The following R3HDM1 variants were observed in gnomAD, a reference collection of about 807,000 sequenced individuals.
R3HDM1 encodes the protein R3H domain containing 1, also known as R3H domain-containing protein 1.
R3HDM1 carries 46 observed loss-of-function variants against 141.1 expected under a neutral mutation model. The ratio of observed to expected loss-of-function variants is 0.33; its 90% CI spans 0.26 to 0.42. The LOEUF (loss-of-function observed/expected upper bound fraction) is 0.42. Ranked by LOEUF, R3HDM1 falls within the 10% of genes least tolerant of loss-of-function variation. The pLI, the probability that R3HDM1 is intolerant of heterozygous loss-of-function variation, is 1.00. For synonymous variants in R3HDM1, 435 were observed against 472.9 expected (o/e 0.92, Z 1.04); for missense variants, 1,184 against 1,368.3 (o/e 0.87, Z 2.12).
chr2:135,565,336 T>C (rs1276063484), intron 1 of R3HDM1, among the ~76,000 whole-genome samples: 1 of 146,962 alleles, frequency 6.8e-6, no homozygotes, highest in African/African-American at 2.5e-5. Flanking sequence ...ATTATTATTA[T>C]TATTATTATT....
intron 18 of R3HDM1, among the ~76,000 whole-genome samples, chr2:135,660,549 A>G (rs1311642193): frequency 6.6e-6 from 1 of 152,040 alleles, no homozygotes; most frequent in Non-Finnish European, 1.5e-5. Context: ...GGACATTTGG[A>G]TTTTTAAAAT....
intron 21 of R3HDM1, among the ~76,000 whole-genome samples, chr2:135,688,067 A>T (rs1400797303): frequency 6.6e-6 from 1 of 152,222 alleles, no homozygotes; most frequent in African/African-American, 2.4e-5. Flanking sequence ...TCAGGCAAGC[A>T]CATTCCCATC....
chr2:135,565,966 G>C (rs936605174), intron 1 of R3HDM1: 2 of 152,200 alleles, frequency 1.3e-5, no homozygotes, highest in Admixed American at 6.5e-5. Context: ...GGTGTATCAA[G>C]TGAATGAGAA....
At chr2:135,574,490 G>T (rs1053813032) in intron 1 of R3HDM1, among the ~76,000 whole-genome samples, 1 of 152,194 alleles carries the variant, frequency 6.6e-6, no homozygotes, top group Admixed American at 6.5e-5. Flanking sequence ...CTGAATTTCT[G>T]TGAAACAAAT....
intron 18 of R3HDM1, among the ~76,000 whole-genome samples, chr2:135,653,444 ATTTC>A (rs1407928935): frequency 6.6e-6 from 1 of 151,262 alleles, no homozygotes; most frequent in East Asian, 1.9e-4. Context: ...AATGCTATAA[ATTTC>A]TTTTTTTCTT....
chr2:135,597,302 T>G (rs902089352), intron 1 of R3HDM1: 37 of 966,056 alleles, frequency 3.8e-5, no homozygotes, highest in Non-Finnish European at 4.6e-5. Context: ...GTAACTGATA[T>G]TCATTAAAGC....
intron 1 of R3HDM1, among the ~76,000 whole-genome samples, chr2:135,534,777 ATAT>A (rs904774452): frequency 6.6e-6 from 1 of 152,244 alleles, no homozygotes; most frequent in African/African-American, 2.4e-5. Flanking sequence ...GCTTTGTCAA[ATAT>A]TATGCAGAAG....
chr2:135,554,108 A>G (rs75285567), intron 1 of R3HDM1, among the ~76,000 whole-genome samples: 5,112 of 152,342 alleles, frequency 0.034, 114 homozygotes, highest in Middle Eastern at 0.12. Context: ...AACTATCACC[A>G]TATCTAATTA....
At position 135,622,153 on chromosome 2, in the gene R3HDM1, A is replaced by G. The variant is rs1038269961; in HGVS notation, c.419-501A>G. The G allele has an allele frequency of 1.2e-5, 12 of 984,610 alleles. No homozygotes were observed. The African/African-American group carries it at 2.1e-4, about 17-fold the overall frequency. The allele number at this position is 984,610 out of a possible 1,614,324, so 61.0% of individuals were successfully genotyped here. A position where few individuals can be genotyped will look rare whatever the true frequency, so the allele number is the denominator to read the frequency against. On this transcript the variant is annotated intron_variant, in intron 6 of 26. Coordinates refer to ENST00000683871, the MANE Select transcript of R3HDM1 (RefSeq NM_001378107.1). ...GCGAAGATAGCATGAATATTTGAAA[A>G]GTATTTTGAAAGCAAGCCTGTAGTA...
chr2:135,644,058 G>A (rs181519980), intron 15 of R3HDM1, among the ~76,000 whole-genome samples: 288 of 152,288 alleles, frequency 1.9e-3, no homozygotes, highest in African/African-American at 6.5e-3. Flanking sequence ...AAGTTTACCT[G>A]TATAACAAGC....
intron 1 of R3HDM1, chr2:135,536,620 G>C (rs1293393537): frequency 1.1e-6 from 1 of 889,710 alleles, no homozygotes. Context: ...GATATTGTCT[G>C]ATCTAAGCGT....
intron 20 of R3HDM1, among the ~76,000 whole-genome samples, chr2:135,677,726 CAAT>C (rs1295436119): frequency 6.6e-6 from 1 of 152,080 alleles, no homozygotes; most frequent in African/African-American, 2.4e-5. Flanking sequence ...GGCCAGCAAT[CAAT>C]AATAGTCATC....
chr2:135,616,894 A>G, intron 5 of R3HDM1, 137 bp downstream of exon 5: 1 of 714,772 alleles, frequency 1.4e-6, no homozygotes, highest in Admixed American at 2.9e-5. Context: ...CACCCAAGAG[A>G]TATATGAAAA....
At chr2:135,584,485 G>A (rs1398741608) in intron 1 of R3HDM1, 4 of 662,926 alleles carry the variant, frequency 6.0e-6, no homozygotes, top group Non-Finnish European at 7.5e-6. Flanking sequence ...GTAAGGTAGA[G>A]ACACAGCCAA....
intron 1 of R3HDM1, among the ~76,000 whole-genome samples, chr2:135,555,157 A>G (rs1573737322): frequency 6.6e-6 from 1 of 152,090 alleles, no homozygotes; most frequent in Admixed American, 6.6e-5. Context: ...AAAATTAGCC[A>G]GGCATGGTGG....
intron 5 of R3HDM1, among the ~76,000 whole-genome samples, chr2:135,617,841 G>T (rs925699076): frequency 2.0e-5 from 3 of 152,122 alleles, no homozygotes; most frequent in Non-Finnish European, 2.9e-5. Flanking sequence ...GGGCAATTTT[G>T]TGGTTATTTA....
intron 21 of R3HDM1, among the ~76,000 whole-genome samples, chr2:135,701,247 A>G (rs1387984330): frequency 1.3e-5 from 2 of 148,500 alleles, no homozygotes; most frequent in African/African-American, 2.5e-5. Context: ...AAAAAAAACT[A>G]TAAAAATTAG....
At chr2:135,568,971 C>T (rs1037262134) in intron 1 of R3HDM1, among the ~76,000 whole-genome samples, 2 of 150,994 alleles carry the variant, frequency 1.3e-5, no homozygotes, top group East Asian at 2.0e-4. Context: ...TCTGTATACC[C>T]AGTCACTCAA....
chr2:135,584,038 C>A, intron 1 of R3HDM1: 4 of 985,328 alleles, frequency 4.1e-6, no homozygotes, highest in Non-Finnish European at 4.8e-6. Context: ...TTTATTAACT[C>A]AAATTTCAGC....
Sources: gnomAD v4.1 joint callset for allele counts (sites outside exome capture counted in the v4.1 genomes callset) on GRCh38, gnomAD v4.1.1 for gene constraint, MANE v1.5 for transcripts, NCBI Gene and HGNC (gene_info 2026-07-23, HGNC 2026-07-21) for gene names.